EBF3: variants seen among roughly 807,000 people sequenced by gnomAD.
EBF3 encodes the protein transcription factor COE3.
Under a neutral mutation model 77.1 loss-of-function variants are expected in EBF3, and 18 were observed. That is an observed-to-expected ratio of 0.23 (90% CI 0.16 to 0.35). EBF3 has a LOEUF of 0.35. Ranked by LOEUF, EBF3 falls within the 10% of genes least tolerant of loss-of-function variation. The probability of loss-of-function intolerance (pLI) is 1.00; values close to 1 mark genes in which losing one functional copy is unlikely to be tolerated. For synonymous variants in EBF3, 350 were observed against 343.5 expected, an observed-to-expected ratio of 1.02 and a Z score of -0.21; for missense variants, 558 against 860.0, an observed-to-expected ratio of 0.65 and a Z score of 4.39.
rs1263982168 is a variant in EBF3 at position 129,841,416 on chromosome 10, C to G, written c.1373-384G>C. ...CTGACAAGGAGAGCTTGTTTGTGGC[C>G]GTAACTTCCCCTGAAAGGCTGTTTG... is the stretch of plus-strand genomic sequence containing the variant. On this transcript the variant is annotated intron_variant, in intron 13 of 16. Transcript: ENST00000440978. The surrounding 1 kb of genome is among the most constrained non-coding windows in gnomAD (Gnocchi z 4.6). Among the ~76,000 whole-genome samples the G allele has an allele frequency of 2.0e-5, 3 of 152,104 alleles. No individual in the cohort carries two copies. Among genetic ancestry groups the G allele is most frequent in the Non-Finnish European group, 2.9e-5 (2 of 68,038 alleles).
intron 6 of EBF3, among the ~76,000 whole-genome samples, chr10:129,954,360 G>C (rs1198973552): frequency 6.6e-6 from 1 of 152,020 alleles, no homozygotes; most frequent in Non-Finnish European, 1.5e-5. Flanking sequence ...GTTAACATAA[G>C]TGAAACCTTT....
intron 6 of EBF3, among the ~76,000 whole-genome samples, chr10:129,887,054 C>CGGGGGG (rs1226242130): frequency 4.7e-4 from 5 of 10,584 alleles, no homozygotes; most frequent in African/African-American, 9.8e-4. Flanking sequence ...GGGTTGTGGG[C>CGGGGGG]GGGGGGGGGG....
intron 6 of EBF3, among the ~76,000 whole-genome samples, chr10:129,945,482 C>T (rs1156500796): frequency 2.6e-5 from 4 of 152,140 alleles, no homozygotes; most frequent in Non-Finnish European, 4.4e-5. Flanking sequence ...TACAGTCCTC[C>T]GGCCTCCACT....
chr10:129,874,597 G>GCA (rs1852624817), intron 7 of EBF3, among the ~76,000 whole-genome samples: 1 of 152,202 alleles, frequency 6.6e-6, no homozygotes, highest in Non-Finnish European at 1.5e-5. Flanking sequence ...TCTTGCAGAA[G>GCA]CACTCCTGGA....
rs542963049 is a variant in EBF3, at chr10:129,915,453, C to T, written c.555-37604G>A. Among the ~76,000 whole-genome samples, 7 of 134,986 alleles carry T rather than the reference C, an allele frequency of 5.2e-5. No homozygotes were observed. In the South Asian group the frequency reaches 1.2e-3, roughly 23 times the overall value. The allele number at this position is 134,986 out of a possible 152,430, so 88.6% of individuals were successfully genotyped here. ...TTTAAAACACTCACCCATGCATGCG[C>T]GCACACATGCACACACACACACACA... On this transcript the variant is annotated intron_variant, in intron 6 of 16. Coordinates refer to ENST00000440978, the MANE Select transcript of EBF3 (RefSeq NM_001375380.1).
rs1418862878 is a variant in EBF3 at position 129,861,092 on chromosome 10, A to T, written c.1039+6049T>A. ...GCCCCACTCTTCAAAGGGCCGTGTT[A>T]TCGAATCTCACCCCAGCACCCACTT... On this transcript the variant is annotated intron_variant, in intron 10 of 16. Transcript: ENST00000440978. This position sits in a 1 kb window ranked among gnomAD's most constrained non-coding sequence, Gnocchi z 4.3. 6.6e-6 allele frequency among the ~76,000 whole-genome samples: 1 copy of T among 152,204 alleles called. No individual in the cohort carries two copies. Among genetic ancestry groups the T allele is most frequent in the Non-Finnish European group, 1.5e-5 (1 of 68,040 alleles).
intron 6 of EBF3, among the ~76,000 whole-genome samples, chr10:129,945,117 A>G (rs1477073311): frequency 0.019 from 208 of 11,062 alleles, no homozygotes; most frequent in Middle Eastern, 0.12. Flanking sequence ...AAGGGGGGGG[A>G]GGTGAAGGGA....
chr10:129,888,963 A>T (rs1405686573), intron 6 of EBF3, among the ~76,000 whole-genome samples: 2 of 152,162 alleles, frequency 1.3e-5, no homozygotes, highest in Non-Finnish European at 2.9e-5. Flanking sequence ...GTGGCGGCGC[A>T]CAGGCCAGAG....
At position 129,938,795 on chromosome 10, in the gene EBF3, C is replaced by A. The variant is rs571304621; in HGVS notation, c.554+18463G>T. 1.7e-4 allele frequency among the ~76,000 whole-genome samples: 26 copies of A among 152,172 alleles called. No homozygotes were observed. Among genetic ancestry groups the A allele is most frequent in the Admixed American group, 1.6e-3 (24 of 15,288 alleles). ...GGGCAAGATGTTACATGGGGGTCTT[C>A]GTGGCCCATAAAACCAACCTGGGGA... On this transcript the variant is annotated intron_variant, in intron 6 of 16. Coordinates refer to ENST00000440978, the MANE Select transcript of EBF3 (RefSeq NM_001375380.1). This position sits in a 1 kb window ranked among gnomAD's most constrained non-coding sequence, Gnocchi z 5.1.
rs1859734633 is a variant in EBF3 at position 129,963,871 on chromosome 10, G to A, written c.-103C>T. 1.6e-6 allele frequency: 2 copies of A among 1,253,616 alleles called. No individual in the cohort carries two copies. Among genetic ancestry groups the A allele is most frequent in the South Asian group, 4.1e-5 (2 of 48,908 alleles). 77.7% of individuals were successfully genotyped at this position (1,253,616 alleles called of 1,614,324 possible). Reference sequence around the variant, plus strand: ...CGGCTGCCCTGGCCGCCCTCGCCCTGCTCGGCGCCTGCGGTCCGGCCCCGC... The same window carrying A: ...CGGCTGCCCTGGCCGCCCTCGCCCTACTCGGCGCCTGCGGTCCGGCCCCGC... On this transcript the variant is annotated 5_prime_UTR_variant, in exon 1 of 17. Transcript: ENST00000440978. This position sits in a 1 kb window ranked among gnomAD's most constrained non-coding sequence, Gnocchi z 7.1.
chr10:129,931,630 G>A lies in EBF3; in HGVS notation c.554+25628C>T, dbSNP rs191293997. Among the ~76,000 whole-genome samples, 453 of 152,374 alleles carry A rather than the reference G, an allele frequency of 3.0e-3. 1 individual carries two copies. Among genetic ancestry groups the A allele is most frequent in the African/African-American group, 0.011 (440 of 41,594 alleles). On this transcript the variant is annotated intron_variant, in intron 6 of 16. Transcript: ENST00000440978. ...CTAACTTGCTCTTGATGTCTGCCCTGATGCCTGACACAGGCCAACAATCAG... is the reference window on the plus strand; with the variant it reads ...CTAACTTGCTCTTGATGTCTGCCCTAATGCCTGACACAGGCCAACAATCAG...
At chr10:129,950,223 T>C (rs936457655) in intron 6 of EBF3, among the ~76,000 whole-genome samples, 2 of 152,170 alleles carry the variant, frequency 1.3e-5, no homozygotes, top group South Asian at 2.1e-4. Flanking sequence ...TTTCCGCACA[T>C]GTTAAACTCA....
At chr10:129,954,109 G>A (rs1440300967) in intron 6 of EBF3, among the ~76,000 whole-genome samples, 5 of 152,192 alleles carry the variant, frequency 3.3e-5, no homozygotes, top group African/African-American at 1.2e-4. Context: ...AGGTGTACAT[G>A]TGTGTTTGTG....
intron 6 of EBF3, among the ~76,000 whole-genome samples, chr10:129,925,259 G>T (rs1053197132): frequency 2.0e-5 from 3 of 151,826 alleles, no homozygotes; most frequent in Non-Finnish European, 4.4e-5. Flanking sequence ...GTGTGAGGGT[G>T]GGGGTGCAAG....
chr10:129,907,137 G>A (rs1201207398), intron 6 of EBF3, among the ~76,000 whole-genome samples: 1 of 152,214 alleles, frequency 6.6e-6, no homozygotes, highest in South Asian at 2.1e-4. Context: ...GGAAGCGGCT[G>A]ACATGTAGAA....
chr10:129,880,873 G>A (rs752721525), intron 6 of EBF3, among the ~76,000 whole-genome samples: 2 of 152,234 alleles, frequency 1.3e-5, no homozygotes, highest in Non-Finnish European at 2.9e-5. Flanking sequence ...TACAGCAGGT[G>A]TGTGACTCTG....
At chr10:129,942,131 C>T (rs367981771) in intron 6 of EBF3, among the ~76,000 whole-genome samples, 5 of 152,328 alleles carry the variant, frequency 3.3e-5, no homozygotes, top group African/African-American at 1.2e-4. Context: ...ATGGACGGCT[C>T]CCTGCAGGTT....
intron 6 of EBF3, among the ~76,000 whole-genome samples, chr10:129,891,352 CCT>C (rs1168125092): frequency 1.3e-5 from 2 of 152,238 alleles, no homozygotes; most frequent in African/African-American, 4.8e-5. Flanking sequence ...CATTAATCTG[CCT>C]CTGAATAAGC....
In EBF3 at chr10:129,943,178, G is replaced by A. The variant is rs1857906503; in HGVS notation, c.554+14080C>T. The stretch of plus-strand genomic sequence containing the variant: ...CCCGCCAGAGCCAGAGAGCTGCCAG[G>A]CAGCTCTTCATTGGGGCCAGGCCTG... On this transcript the variant is annotated intron_variant, in intron 6 of 16. Transcript: ENST00000440978. This position sits in a 1 kb window ranked among gnomAD's most constrained non-coding sequence, Gnocchi z 8.8. Among the ~76,000 whole-genome samples the A allele has an allele frequency of 6.6e-6, 1 of 152,216 alleles. No individual in the cohort carries two copies. Among genetic ancestry groups the A allele is most frequent in the Non-Finnish European group, 1.5e-5 (1 of 68,050 alleles).
Sources: gnomAD v4.1 joint callset for allele counts (sites outside exome capture counted in the v4.1 genomes callset) on GRCh38, gnomAD v4.1.1 for gene constraint, Gnocchi (gnomAD v3.1) non-coding constraint, MANE v1.5 for transcripts, NCBI Gene and HGNC (gene_info 2026-07-23, HGNC 2026-07-21) for gene names.